The following TBCE variants were observed in gnomAD, a reference collection of about 807,000 sequenced individuals.
TBCE encodes the protein tubulin folding cofactor E.
In TBCE, 53 loss-of-function variants were observed where a neutral mutation model predicts 77.0. The observed-to-expected ratio is 0.69, with a 90% CI of 0.55 to 0.87. TBCE has a LOEUF of 0.87. Among genes scored for constraint, TBCE ranks in the 40% least tolerant of loss-of-function variants. The pLI is 0.00. For missense variants in TBCE, 624 were observed against 622.4 expected (o/e 1.00, Z -0.03); for synonymous variants, 235 against 241.3 (o/e 0.97, Z 0.24).
intron 2 of TBCE, among the ~76,000 whole-genome samples, chr1:235,386,706 T>G (rs1483966542): frequency 6.6e-6 from 1 of 152,178 alleles, no homozygotes; most frequent in Non-Finnish European, 1.5e-5. Context: ...TCGTCTAAAT[T>G]TTTTTCAAAG....
rs138414051 is a variant in TBCE, at chr1:235,408,264, A to G, written c.186-6169A>G. Among the ~76,000 whole-genome samples, 932 of 152,336 alleles carry G rather than the reference A, an allele frequency of 6.1e-3. 9 individuals carry two copies. Among genetic ancestry groups the G allele is most frequent in the African/African-American group, 0.022 (898 of 41,586 alleles). On this transcript the variant is annotated intron_variant, in intron 3 of 16. Transcript: ENST00000642610. ...TTGTTACACGTGTGCCTGTATCAAA[A>G]TATTGTATGTACCCACAAAAATTAA...
chr1:235,420,509 A>G (rs1435759233), intron 5 of TBCE, among the ~76,000 whole-genome samples: 7 of 101,804 alleles, frequency 6.9e-5, no homozygotes, highest in Admixed American at 1.3e-4. Flanking sequence ...TTTGAGACGG[A>G]GTCTCGCTCT....
At chr1:235,402,385 A>T (rs536190833) in intron 3 of TBCE, among the ~76,000 whole-genome samples, 19 of 151,964 alleles carry the variant, frequency 1.3e-4, no homozygotes, top group African/African-American at 4.6e-4. Flanking sequence ...TTCTATTATT[A>T]TTTTTGATCG....
rs371774114 is a variant in TBCE, at chr1:235,442,804, C to T, written c.1340-48C>T. 118 of 1,563,046 alleles carry T rather than the reference C, an allele frequency of 7.5e-5. No individual in the cohort carries two copies. The Middle Eastern group carries it at 1.0e-3, about 13-fold the overall frequency. On this transcript the variant is annotated intron_variant, in intron 14 of 16. Coordinates refer to ENST00000642610, the MANE Select transcript of TBCE (RefSeq NM_003193.5). ...TTGATGTGTGTGGATAATTTAAATC[C>T]ATATAATAGTAGATATCAATTAGTC...
At chr1:235,397,326 C>T (rs1011866789) in intron 2 of TBCE, among the ~76,000 whole-genome samples, 1 of 151,884 alleles carries the variant, frequency 6.6e-6, no homozygotes, top group Non-Finnish European at 1.5e-5. Flanking sequence ...TTCAGCCTCC[C>T]GAGCAGCTGG....
chr1:235,426,983 A>G (rs1455094479), intron 5 of TBCE, among the ~76,000 whole-genome samples, 157 bp from the exon 6 acceptor site: 1 of 152,208 alleles, frequency 6.6e-6, no homozygotes. Context: ...GAAGTTTTGG[A>G]TAACTTAAAA....
chr1:235,434,354 A>T, intron 8 of TBCE, 74 bp downstream of exon 8: 1 of 1,293,770 alleles, frequency 7.7e-7, no homozygotes, highest in Non-Finnish European at 1.1e-6. Flanking sequence ...TCTCAATTAT[A>T]TCTAACCTTA....
intron 3 of TBCE, among the ~76,000 whole-genome samples, chr1:235,411,844 C>T (rs1679797895): frequency 6.6e-6 from 1 of 152,006 alleles, no homozygotes. Context: ...CTTAAGCAAT[C>T]TCCCTCCTTT....
At chr1:235,433,926 C>G in intron 7 of TBCE, 2 of 507,612 alleles carry the variant, frequency 3.9e-6, no homozygotes, top group South Asian at 4.7e-5. Context: ...CCTGTTCCAC[C>G]TCGTAGCTGC....
At chr1:235,428,455 C>T (rs1438214693) in intron 6 of TBCE, among the ~76,000 whole-genome samples, 2 of 151,710 alleles carry the variant, frequency 1.3e-5, no homozygotes, top group East Asian at 1.9e-4. Context: ...AACCTCTGCT[C>T]CTAAACTCCT....
At chr1:235,437,251 G>C in intron 11 of TBCE, 71 bp from the exon 12 acceptor site, 3 of 1,597,346 alleles carry the variant, frequency 1.9e-6, no homozygotes, top group Non-Finnish European at 2.6e-6. Context: ...CTTTCCTGTT[G>C]CTGGTTCAAA....
intron 2 of TBCE, among the ~76,000 whole-genome samples, chr1:235,400,461 C>T (rs1679031602): frequency 1.5e-5 from 2 of 130,848 alleles, no homozygotes; most frequent in South Asian, 4.8e-4. Flanking sequence ...GGTGCAGTGG[C>T]GTGATCTCGG....
chr1:235,388,927 G>A (rs534357609), intron 2 of TBCE, among the ~76,000 whole-genome samples: 7 of 152,338 alleles, frequency 4.6e-5, no homozygotes, highest in African/African-American at 1.7e-4. Flanking sequence ...TCCTAGTGGA[G>A]ATGAGGGGCT....
At chr1:235,407,825 A>G (rs1679543216) in intron 3 of TBCE, among the ~76,000 whole-genome samples, 1 of 152,060 alleles carries the variant, frequency 6.6e-6, no homozygotes, top group African/African-American at 2.4e-5. Flanking sequence ...CAAATATGGT[A>G]AGTAACCTTG....
Position 235,448,385 on chromosome 1 carries a change from C to CACGTCTTCTCAAAGTTCCT in TBCE, c.1437_1455dup (p.Val486ThrfsTer15). The CACGTCTTCTCAAAGTTCCT allele has an allele frequency of 6.2e-7, 1 of 1,614,080 alleles. No individual in the cohort carries two copies. The highest frequency in any genetic ancestry group is 8.5e-7 in the Non-Finnish European group (1 of 1,179,960). On this transcript the variant is annotated frameshift_variant, in exon 16 of 17. Coordinates refer to ENST00000642610, the MANE Select transcript of TBCE (RefSeq NM_003193.5). LOFTEE classifies it high-confidence loss of function. ...ATTCAAAAGGTGAAGGGATTGCTGTCACGTCTTCTCAAAGTTCCTGTGTCA... is the reference window on the plus strand; with the variant it reads ...ATTCAAAAGGTGAAGGGATTGCTGTCACGTCTTCTCAAAGTTCCTACGTCTTCTCAAAGTTCCTGTGTCA...
chr1:235,427,998 C>G (rs1680827155), intron 6 of TBCE, among the ~76,000 whole-genome samples: 1 of 151,384 alleles, frequency 6.6e-6, no homozygotes, highest in African/African-American at 2.4e-5. Flanking sequence ...CCATTGCACT[C>G]CAGCCTGGGT....
At chr1:235,382,152 T>G (rs1390707432) in intron 2 of TBCE, among the ~76,000 whole-genome samples, 1 of 151,666 alleles carries the variant, frequency 6.6e-6, no homozygotes, top group Non-Finnish European at 1.5e-5. Context: ...ACTCATCATT[T>G]TTTATGGCTG....
intron 3 of TBCE, among the ~76,000 whole-genome samples, chr1:235,405,791 A>G (rs371748426): frequency 2.0e-5 from 3 of 152,214 alleles, no homozygotes; most frequent in African/African-American, 7.2e-5. Flanking sequence ...TGTGACTGGC[A>G]GTGTAGTAGG....
At position 235,385,388 on chromosome 1, in the gene TBCE, C is replaced by T. The variant is rs556426494; in HGVS notation, c.100+5239C>T. Among the ~76,000 whole-genome samples the T allele has an allele frequency of 3.0e-4, 45 of 152,082 alleles. No individual in the cohort carries two copies. In the South Asian group the frequency reaches 8.5e-3, roughly 29 times the overall value. On this transcript the variant is annotated intron_variant, in intron 2 of 16. Transcript: ENST00000642610. ...GGCTATCCTTGTTAACTTTCTGTCT[C>T]GTTGATCTGTCTAATGTTGACAGTG...
Sources: gnomAD v4.1 joint callset for allele counts (sites outside exome capture counted in the v4.1 genomes callset) on GRCh38, gnomAD v4.1.1 for gene constraint, MANE v1.5 for transcripts, NCBI Gene and HGNC (gene_info 2026-07-23, HGNC 2026-07-21) for gene names.